Variants in LPAR1 observed in about 807,000 individuals in gnomAD.
LPAR1 encodes the protein LPA receptor 1.
In LPAR1, 5 loss-of-function variants were observed where a neutral mutation model predicts 23.8. The observed-to-expected ratio is 0.21, with a 90% CI of 0.11 to 0.44. LPAR1 has a LOEUF of 0.44. Ranked by LOEUF, LPAR1 falls within the 20% of genes least tolerant of loss-of-function variation. The pLI is 0.99. For synonymous variants in LPAR1, 160 were observed against 164.7 expected, an observed-to-expected ratio of 0.97 and a Z score of 0.22; for missense variants, 311 against 482.8, an observed-to-expected ratio of 0.64 and a Z score of 3.33.
At chr9:110,879,001 A>G (rs966501035) in intron 5 of LPAR1, among the ~76,000 whole-genome samples, 2 of 152,190 alleles carry the variant, frequency 1.3e-5, no homozygotes, top group Non-Finnish European at 2.9e-5. Context: ...AAGATGGGGA[A>G]TGAAATATAG....
At chr9:110,883,673 TCTAA>T (rs1164893693) in intron 5 of LPAR1, among the ~76,000 whole-genome samples, 6 of 145,892 alleles carry the variant, frequency 4.1e-5, no homozygotes, top group African/African-American at 5.1e-5. Flanking sequence ...CCCTTGAACT[TCTAA>T]CTGCTTTTTC....
chr9:110,958,810 G>C (rs1286879211), intron 4 of LPAR1, among the ~76,000 whole-genome samples: 2 of 150,256 alleles, frequency 1.3e-5, no homozygotes, highest in Non-Finnish European at 2.9e-5. Flanking sequence ...ATCTGACAAG[G>C]TATAATATCC....
intron 5 of LPAR1, among the ~76,000 whole-genome samples, chr9:110,909,767 A>G (rs2092115441): frequency 6.6e-6 from 1 of 151,694 alleles, no homozygotes; most frequent in South Asian, 2.1e-4. Context: ...TTATTTAGAG[A>G]GAGGGTCTGG....
At chr9:110,959,328 AAAGG>A (rs1348894256) in intron 4 of LPAR1, among the ~76,000 whole-genome samples, 1 of 151,884 alleles carries the variant, frequency 6.6e-6, no homozygotes, top group Non-Finnish European at 1.5e-5. Context: ...GGAAAGGAAG[AAAGG>A]AAGAAGGGAG....
At chr9:111,015,210 CT>C (rs1184127427) in intron 2 of LPAR1, among the ~76,000 whole-genome samples, 7 of 152,140 alleles carry the variant, frequency 4.6e-5, no homozygotes, top group South Asian at 2.1e-4. Context: ...GTCCGTGGGA[CT>C]TCATGGCAGC....
At chr9:111,014,287 T>G (rs149777108) in intron 2 of LPAR1, among the ~76,000 whole-genome samples, 413 of 152,214 alleles carry the variant, frequency 2.7e-3, no homozygotes, top group African/African-American at 9.6e-3. Context: ...ATGAATGCAT[T>G]CTAATCTCAG....
chr9:110,988,898 T>C (rs1177854824), intron 2 of LPAR1, among the ~76,000 whole-genome samples: 2 of 152,090 alleles, frequency 1.3e-5, no homozygotes, highest in East Asian at 3.9e-4. Context: ...CTATCAACTG[T>C]TGAAAGGATA....
At chr9:110,935,610 G>A (rs937260116) in intron 5 of LPAR1, among the ~76,000 whole-genome samples, 2 of 152,106 alleles carry the variant, frequency 1.3e-5, no homozygotes, top group Admixed American at 6.5e-5. Flanking sequence ...GCAACATGGT[G>A]AAACCCTGGC....
At chr9:111,029,463 G>A (rs776170461) in intron 2 of LPAR1, among the ~76,000 whole-genome samples, 10 of 151,796 alleles carry the variant, frequency 6.6e-5, no homozygotes, top group South Asian at 4.2e-4. Flanking sequence ...GCCACAAACC[G>A]TCAATTTCAG....
intron 2 of LPAR1, among the ~76,000 whole-genome samples, chr9:111,031,168 T>C (rs1008401847): frequency 2.6e-5 from 4 of 151,882 alleles, no homozygotes; most frequent in Non-Finnish European, 5.9e-5. Context: ...CCTCTCCTGG[T>C]TGGGATGCAT....
chr9:110,934,846 AGAGT>A (rs562532448), intron 5 of LPAR1, among the ~76,000 whole-genome samples: 2 of 146,380 alleles, frequency 1.4e-5, no homozygotes, highest in East Asian at 3.9e-4. Context: ...ACACACACAG[AGAGT>A]GAGAGAGAGA....
At chr9:110,957,204 C>CAA (rs71494807) in intron 4 of LPAR1, among the ~76,000 whole-genome samples, 10 of 143,454 alleles carry the variant, frequency 7.0e-5, no homozygotes, top group East Asian at 6.1e-4. Flanking sequence ...GCCATCTCTA[C>CAA]AAAAAAAAAA....
chr9:110,994,169 T>C (rs1274313852), intron 2 of LPAR1, among the ~76,000 whole-genome samples: 2 of 152,194 alleles, frequency 1.3e-5, no homozygotes, highest in African/African-American at 4.8e-5. Flanking sequence ...TTCTGTCATG[T>C]TCCTGCCAAA....
chr9:110,991,836 G>A (rs528733375), intron 2 of LPAR1, among the ~76,000 whole-genome samples: 80 of 151,970 alleles, frequency 5.3e-4, no homozygotes, highest in Middle Eastern at 6.8e-3. Context: ...CAGGTGATCC[G>A]CCCACCTCGG....
At chr9:111,028,178 T>TG (rs1475102125) in intron 2 of LPAR1, among the ~76,000 whole-genome samples, 1 of 151,870 alleles carries the variant, frequency 6.6e-6, no homozygotes, top group African/African-American at 2.4e-5. Flanking sequence ...TCACCCAGGC[T>TG]GGAGTGCAGT....
intron 2 of LPAR1, among the ~76,000 whole-genome samples, chr9:111,016,975 C>T (rs1019056645): frequency 6.6e-6 from 1 of 152,106 alleles, no homozygotes; most frequent in Non-Finnish European, 1.5e-5. Context: ...CATTAAAGTA[C>T]CTAACGTTTG....
At chr9:110,977,704 T>C (rs1351401716) in intron 2 of LPAR1, among the ~76,000 whole-genome samples, 6 of 130,394 alleles carry the variant, frequency 4.6e-5, no homozygotes, top group Admixed American at 4.2e-4. Context: ...CAAACCACCA[T>C]GGCACATGTA....
intron 2 of LPAR1, among the ~76,000 whole-genome samples, chr9:110,985,399 T>C (rs1032623508): frequency 7.2e-6 from 1 of 139,726 alleles, no homozygotes; most frequent in African/African-American, 2.6e-5. Context: ...AGATCTTTTA[T>C]TTTCAAATTG....
At chr9:110,948,386 G>A (rs1275034011) in intron 4 of LPAR1, among the ~76,000 whole-genome samples, 2 of 152,100 alleles carry the variant, frequency 1.3e-5, no homozygotes, top group East Asian at 1.9e-4. Flanking sequence ...ACTTAAAATC[G>A]CTGAAGAATA....
Sources: allele counts gnomAD v4.1 joint callset (sites outside exome capture counted in the v4.1 genomes callset), GRCh38; gene constraint gnomAD v4.1.1; transcripts MANE v1.5; gene names NCBI Gene and HGNC (gene_info 2026-07-23, HGNC 2026-07-21).